SLC16A10: variants seen among roughly 807,000 people sequenced by gnomAD.
SLC16A10 encodes solute carrier family 16 member 10, also known as monocarboxylate transporter 10.
In SLC16A10, 27 loss-of-function variants were observed where a neutral mutation model predicts 40.0. That is an observed-to-expected ratio of 0.67 (90% CI 0.50 to 0.93). The LOEUF (loss-of-function observed/expected upper bound fraction) is 0.93, where lower values mean the gene tolerates loss of function less well. Among genes scored for constraint, SLC16A10 ranks in the 40% least tolerant of loss-of-function variants. The pLI, the probability that SLC16A10 is intolerant of heterozygous loss-of-function variation, is 0.00. For missense variants in SLC16A10, 529 were observed against 658.2 expected, an observed-to-expected ratio of 0.80 and a Z score of 2.15; for synonymous variants, 213 against 249.8, an observed-to-expected ratio of 0.85 and a Z score of 1.39.
chr6:111,095,963 T>G (rs532246050), intron 1 of SLC16A10, among the ~76,000 whole-genome samples: 1 of 152,360 alleles, frequency 6.6e-6, no homozygotes, highest in African/African-American at 2.4e-5. Flanking sequence ...TTCATGTACA[T>G]TATTTTTTAG....
intron 1 of SLC16A10, among the ~76,000 whole-genome samples, chr6:111,101,014 AT>A (rs1293994691): frequency 6.7e-5 from 9 of 135,218 alleles, no homozygotes; most frequent in East Asian, 2.0e-4. Flanking sequence ...ATATATATAT[AT>A]ATAAATATAT....
intron 1 of SLC16A10, among the ~76,000 whole-genome samples, chr6:111,108,551 A>G (rs185937640): frequency 1.5e-3 from 222 of 152,254 alleles, no homozygotes; most frequent in East Asian, 7.7e-4. Context: ...GTATATTTTC[A>G]TTATCTTTTA....
chr6:111,211,419 G>C lies in SLC16A10; in HGVS notation c.1086+4684G>C, dbSNP rs139869094. Among the ~76,000 whole-genome samples, 20 of 152,290 alleles carry C rather than the reference G, an allele frequency of 1.3e-4. No homozygotes were observed. In the East Asian group the frequency reaches 3.9e-3, roughly 29 times the overall value. Reference sequence around the variant, plus strand: ...TTGGTCTGCAGTTACACAGCAGTAAGTTAAAAGTTAGTATTGGGGGTCAAA... The same window carrying C: ...TTGGTCTGCAGTTACACAGCAGTAACTTAAAAGTTAGTATTGGGGGTCAAA... On this transcript the variant is annotated intron_variant, in intron 4 of 5. Transcript: ENST00000368851.
chr6:111,220,497 G>A (rs748517634), intron 5 of SLC16A10, among the ~76,000 whole-genome samples: 16 of 152,184 alleles, frequency 1.1e-4, no homozygotes, highest in Non-Finnish European at 4.4e-5. Context: ...GGCACATGAG[G>A]TGCTCAGTGA....
chr6:111,116,131 C>T (rs900147411), intron 1 of SLC16A10, among the ~76,000 whole-genome samples: 7 of 151,946 alleles, frequency 4.6e-5, no homozygotes, highest in South Asian at 2.1e-4. Flanking sequence ...TAGCATCTCG[C>T]GTAATGACTC....
intron 1 of SLC16A10, among the ~76,000 whole-genome samples, chr6:111,161,348 T>C (rs753807303): frequency 5.9e-5 from 9 of 151,746 alleles, no homozygotes; most frequent in Non-Finnish European, 1.0e-4. Flanking sequence ...TGGATTTGCC[T>C]GGGACTTGTA....
At chr6:111,211,480 G>T (rs933682422) in intron 4 of SLC16A10, among the ~76,000 whole-genome samples, 2 of 152,200 alleles carry the variant, frequency 1.3e-5, no homozygotes, top group African/African-American at 4.8e-5. Context: ...CCACAATCTG[G>T]CTTCTGTTAG....
chr6:111,150,410 A>G (rs887161381), intron 1 of SLC16A10, among the ~76,000 whole-genome samples: 5 of 152,218 alleles, frequency 3.3e-5, no homozygotes, highest in Admixed American at 6.5e-5. Context: ...CTTAATATAT[A>G]TGAAGCATCT....
intron 1 of SLC16A10, among the ~76,000 whole-genome samples, chr6:111,097,460 C>T (rs1348577761): frequency 6.6e-6 from 1 of 151,918 alleles, no homozygotes; most frequent in African/African-American, 2.4e-5. Context: ...TACAGGCACG[C>T]ACCACCATGC....
intron 5 of SLC16A10, 149 bp from the exon 6 acceptor site, chr6:111,221,854 C>G: frequency 1.6e-6 from 1 of 612,870 alleles, no homozygotes; most frequent in East Asian, 3.4e-5. Flanking sequence ...CTTTTTCTTC[C>G]TATCAAAAAG....
At chr6:111,125,708 T>C (rs891545009) in intron 1 of SLC16A10, among the ~76,000 whole-genome samples, 4 of 152,210 alleles carry the variant, frequency 2.6e-5, no homozygotes, top group Non-Finnish European at 4.4e-5. Context: ...TTCCTTTCAA[T>C]TGCTATATAA....
intron 3 of SLC16A10, among the ~76,000 whole-genome samples, chr6:111,193,721 G>A (rs888056970): frequency 1.3e-5 from 2 of 152,168 alleles, no homozygotes; most frequent in African/African-American, 4.8e-5. Context: ...CTCAGGGGTG[G>A]AAATTATCCC....
At chr6:111,155,367 G>A (rs374946779) in intron 1 of SLC16A10, among the ~76,000 whole-genome samples, 25 of 145,416 alleles carry the variant, frequency 1.7e-4, no homozygotes, top group Admixed American at 9.7e-4. Context: ...AAGTTGTTTC[G>A]TTTTTTTTTT....
intron 1 of SLC16A10, among the ~76,000 whole-genome samples, chr6:111,136,463 C>T (rs1196015908): frequency 2.6e-5 from 4 of 152,150 alleles, no homozygotes; most frequent in Admixed American, 6.5e-5. Context: ...TGATGTGAAC[C>T]GCATACTCAC....
chr6:111,207,255 A>G (rs1369902767), intron 4 of SLC16A10, among the ~76,000 whole-genome samples: 2 of 152,260 alleles, frequency 1.3e-5, no homozygotes, highest in Non-Finnish European at 1.5e-5. Flanking sequence ...CCACCAAACC[A>G]GAATGGTTTT....
At chr6:111,188,460 T>C (rs1772937176) in intron 3 of SLC16A10, among the ~76,000 whole-genome samples, 1 of 152,178 alleles carries the variant, frequency 6.6e-6, no homozygotes, top group Non-Finnish European at 1.5e-5. Context: ...CATTCAAAAA[T>C]AGGGTTATAA....
At chr6:111,184,328 T>G (rs1772855589) in intron 3 of SLC16A10, among the ~76,000 whole-genome samples, 1 of 152,210 alleles carries the variant, frequency 6.6e-6, no homozygotes, top group Non-Finnish European at 1.5e-5. Context: ...ATAAGTGGGT[T>G]GACTTTGTGG....
intron 3 of SLC16A10, among the ~76,000 whole-genome samples, chr6:111,194,338 T>A (rs1013203194): frequency 6.6e-6 from 1 of 152,226 alleles, no homozygotes; most frequent in African/African-American, 2.4e-5. Context: ...ATATAGTTAA[T>A]GACAAGGTGA....
chr6:111,171,677 A>G (rs1282717366), intron 1 of SLC16A10, among the ~76,000 whole-genome samples: 1 of 152,112 alleles, frequency 6.6e-6, no homozygotes, highest in Non-Finnish European at 1.5e-5. Flanking sequence ...TTAGCCAGGC[A>G]TGGTGGTGCA....
Sources: gnomAD v4.1 joint callset for allele counts (sites outside exome capture counted in the v4.1 genomes callset) on GRCh38, gnomAD v4.1.1 for gene constraint, MANE v1.5 for transcripts, NCBI Gene and HGNC (gene_info 2026-07-23, HGNC 2026-07-21) for gene names.